LRP1B: variants seen among roughly 807,000 people sequenced by gnomAD.
LRP1B encodes low-density lipoprotein receptor-related protein 1B.
In LRP1B, 217 loss-of-function variants were observed where a neutral mutation model predicts 556.6. That is an observed-to-expected ratio of 0.39 (90% CI 0.35 to 0.44). The LOEUF (loss-of-function observed/expected upper bound fraction) is 0.44, where lower values mean the gene tolerates loss of function less well. LRP1B is among the 20% of genes least tolerant of loss of function. The pLI is 1.00. For missense variants in LRP1B, 5,053 were observed against 5,620.8 expected (o/e 0.90, Z 3.23); for synonymous variants, 2,047 against 1,865.8 (o/e 1.10, Z -2.50).
chr2:141,316,200 T>G (rs551044196), intron 3 of LRP1B, among the ~76,000 whole-genome samples: 18 of 152,064 alleles, frequency 1.2e-4, no homozygotes, highest in Non-Finnish European at 2.5e-4. Flanking sequence ...TCTTTTCCTT[T>G]TAAAGTAAAG....
chr2:141,979,435 C>T (rs931463649), intron 1 of LRP1B, among the ~76,000 whole-genome samples: 9 of 152,014 alleles, frequency 5.9e-5, no homozygotes, highest in South Asian at 2.1e-4. Flanking sequence ...ATCATTTTGT[C>T]GCATTTGGAT....
At chr2:141,416,109 T>C (rs141529878) in intron 3 of LRP1B, among the ~76,000 whole-genome samples, 2,056 of 152,310 alleles carry the variant, frequency 0.013, 23 homozygotes, top group Middle Eastern at 0.027. Flanking sequence ...AAATTGGCAA[T>C]TATCCAATCC....
At chr2:141,151,659 A>C (rs1484088444) in intron 7 of LRP1B, among the ~76,000 whole-genome samples, 1 of 152,164 alleles carries the variant, frequency 6.6e-6, no homozygotes, top group African/African-American at 2.4e-5. Context: ...AACAAATTAT[A>C]ATCCTGCATA....
chr2:141,935,281 A>T (rs1014325341), intron 1 of LRP1B, among the ~76,000 whole-genome samples: 1 of 152,218 alleles, frequency 6.6e-6, no homozygotes, highest in African/African-American at 2.4e-5. Flanking sequence ...AATTTTAGAC[A>T]TAAAAATGAT....
At chr2:140,325,198 GAAATATGAGACAGTAAA>G (rs1027735205) in intron 80 of LRP1B, among the ~76,000 whole-genome samples, 3 of 151,886 alleles carry the variant, frequency 2.0e-5, no homozygotes, top group African/African-American at 7.2e-5. Flanking sequence ...AAGGGAGCTG[GAAATATGAGACAGTAAA>G]AAATAGGAGC....
rs1473137959 is a variant in LRP1B at position 140,922,906 on chromosome 2, G to A, written c.3319+59C>T. The A allele has an allele frequency of 3.4e-6, 5 of 1,465,152 alleles. No homozygotes were observed. The East Asian group carries it at 1.1e-4, about 34-fold the overall frequency. The allele number at this position is 1,465,152 out of a possible 1,614,324, so 90.8% of individuals were successfully genotyped here. A position where few individuals can be genotyped will look rare whatever the true frequency, so the allele number is the denominator to read the frequency against. ...AAGGTGAGATACAGATTCAGCCTGA[G>A]CCAAAAGGACTCCACACTCAGGGAG... On this transcript the variant is annotated intron_variant, in intron 21 of 90. Transcript: ENST00000389484.
chr2:141,352,342 T>C (rs908058705), intron 3 of LRP1B, among the ~76,000 whole-genome samples: 1 of 151,974 alleles, frequency 6.6e-6, no homozygotes, highest in African/African-American at 2.4e-5. Flanking sequence ...GCATGAAATT[T>C]ATTTAAAATC....
At chr2:142,081,362 C>T (rs1705708943) in intron 1 of LRP1B, among the ~76,000 whole-genome samples, 2 of 152,034 alleles carry the variant, frequency 1.3e-5, no homozygotes, top group Admixed American at 1.3e-4. Context: ...TATTGACCCA[C>T]ATTTTACCAG....
At chr2:140,581,495 T>C (rs1176101637) in intron 43 of LRP1B, among the ~76,000 whole-genome samples, 1 of 152,194 alleles carries the variant, frequency 6.6e-6, no homozygotes, top group Non-Finnish European at 1.5e-5. Flanking sequence ...TATTTTTTTT[T>C]TGTTTATGCT....
intron 3 of LRP1B, among the ~76,000 whole-genome samples, chr2:141,464,702 G>C (rs62168039): frequency 6.7e-6 from 1 of 149,512 alleles, no homozygotes; most frequent in African/African-American, 2.5e-5. Context: ...AAAGTGCTGG[G>C]ATTACAGGCA....
intron 2 of LRP1B, among the ~76,000 whole-genome samples, chr2:141,484,318 C>G: frequency 6.7e-6 from 1 of 149,238 alleles, no homozygotes; most frequent in Admixed American, 6.8e-5. Context: ...TTCCATTGGT[C>G]TATATCTCCA....
At chr2:141,275,705 C>T (rs948454630) in intron 3 of LRP1B, among the ~76,000 whole-genome samples, 2 of 151,782 alleles carry the variant, frequency 1.3e-5, no homozygotes, top group African/African-American at 4.8e-5. Flanking sequence ...AGAGTGAGAC[C>T]CTTTTTCAAA....
intron 3 of LRP1B, among the ~76,000 whole-genome samples, chr2:141,381,508 A>G (rs1245118566): frequency 1.3e-5 from 2 of 152,114 alleles, no homozygotes; most frequent in Non-Finnish European, 2.9e-5. Flanking sequence ...AAGTTTCCCA[A>G]ACTTGGGGAA....
Position 140,233,041 on chromosome 2 carries a change from C to T in LRP1B, c.*145G>A. 2 of 509,720 alleles carry T rather than the reference C, an allele frequency of 3.9e-6. No individual in the cohort carries two copies. Among genetic ancestry groups the T allele is most frequent in the Non-Finnish European group, 6.4e-6 (2 of 312,564 alleles). 31.6% of individuals were successfully genotyped at this position (509,720 alleles called of 1,614,324 possible). ...CAATAGTCATCAGCAAAAAATAAAA[C>T]CCAAAAAACTCAGAAAACAATTAAC... On this transcript the variant is annotated 3_prime_UTR_variant, in exon 91 of 91. Transcript: ENST00000389484.
chr2:140,663,098 T>C (rs977975715), intron 41 of LRP1B, among the ~76,000 whole-genome samples: 1 of 152,202 alleles, frequency 6.6e-6, no homozygotes, highest in Non-Finnish European at 1.5e-5. Context: ...CTCAATGATA[T>C]GTTAAATTGC....
At chr2:140,859,406 T>A (rs922763176) in intron 27 of LRP1B, among the ~76,000 whole-genome samples, 3 of 151,698 alleles carry the variant, frequency 2.0e-5, no homozygotes, top group South Asian at 2.1e-4. Context: ...AAATATAACA[T>A]TTTTTATTGT....
At chr2:141,993,909 G>A (rs1165602239) in intron 1 of LRP1B, among the ~76,000 whole-genome samples, 1 of 43,096 alleles carries the variant, frequency 2.3e-5, no homozygotes, top group Non-Finnish European at 4.8e-5. Context: ...TACTTTTAAG[G>A]TTTATGTTTT....
chr2:140,644,087 G>A (rs1443364000), intron 41 of LRP1B, among the ~76,000 whole-genome samples: 2 of 152,118 alleles, frequency 1.3e-5, no homozygotes, highest in East Asian at 3.9e-4. Context: ...TTCCCTCTGC[G>A]TGCTGATTCC....
intron 11 of LRP1B, among the ~76,000 whole-genome samples, chr2:141,025,661 A>T (rs139537605): frequency 7.9e-5 from 12 of 152,110 alleles, no homozygotes; most frequent in African/African-American, 2.9e-4. Flanking sequence ...CAGCCTGCTG[A>T]TGTACTCTGC....
Sources: gnomAD v4.1 joint callset for allele counts (sites outside exome capture counted in the v4.1 genomes callset) on GRCh38, gnomAD v4.1.1 for gene constraint, MANE v1.5 for transcripts, NCBI Gene and HGNC (gene_info 2026-07-23, HGNC 2026-07-21) for gene names.